PLPP4: variants seen among roughly 807,000 people sequenced by gnomAD.
PLPP4 encodes phospholipid phosphatase 4.
PLPP4 carries 20 observed loss-of-function variants against 32.2 expected under a neutral mutation model. The ratio of observed to expected loss-of-function variants is 0.62; its 90% CI spans 0.44 to 0.90. The LOEUF is 0.90. Ranked by LOEUF, PLPP4 falls within the 40% of genes least tolerant of loss-of-function variation. The pLI is 0.00. For missense variants in PLPP4, 257 were observed against 353.1 expected, an observed-to-expected ratio of 0.73 and a Z score of 2.18; for synonymous variants, 127 against 133.0, an observed-to-expected ratio of 0.95 and a Z score of 0.31.
At chr10:120,461,185 T>A (rs546312554) in intron 1 of PLPP4, among the ~76,000 whole-genome samples, 3 of 152,216 alleles carry the variant, frequency 2.0e-5, no homozygotes, top group Non-Finnish European at 4.4e-5. Context: ...AGATGGGATT[T>A]GATCATGGCA....
chr10:120,465,766 C>T (rs1019669999), intron 1 of PLPP4, among the ~76,000 whole-genome samples: 5 of 152,076 alleles, frequency 3.3e-5, no homozygotes, highest in African/African-American at 4.8e-5. Context: ...TCTACCAAGC[C>T]CCCTTCCACC....
intron 5 of PLPP4, among the ~76,000 whole-genome samples, chr10:120,553,424 G>T (rs1245737692): frequency 6.6e-6 from 1 of 152,270 alleles, no homozygotes; most frequent in Non-Finnish European, 1.5e-5. Context: ...CAGTAAGAAG[G>T]TACCACCTTT....
chr10:120,561,229 TA>T (rs1375349369), intron 5 of PLPP4, among the ~76,000 whole-genome samples: 1 of 152,234 alleles, frequency 6.6e-6, no homozygotes, highest in East Asian at 1.9e-4. Context: ...TATATCTTTT[TA>T]AACACATGTC....
At chr10:120,459,608 G>A (rs1847950430) in intron 1 of PLPP4, among the ~76,000 whole-genome samples, 1 of 152,202 alleles carries the variant, frequency 6.6e-6, no homozygotes, top group South Asian at 2.1e-4. Context: ...TAGCAGCACA[G>A]GGGTTTAGAA....
At chr10:120,534,069 T>C (rs1217518199) in intron 5 of PLPP4, among the ~76,000 whole-genome samples, 1 of 152,168 alleles carries the variant, frequency 6.6e-6, no homozygotes, top group Admixed American at 6.5e-5. Flanking sequence ...TCTTTGTTTT[T>C]TGTGTACGAT....
At chr10:120,501,934 C>T (rs1428136209) in intron 1 of PLPP4, among the ~76,000 whole-genome samples, 1 of 152,160 alleles carries the variant, frequency 6.6e-6, no homozygotes, top group Non-Finnish European at 1.5e-5. Flanking sequence ...TGGAGTAGCT[C>T]AGTTGGTGAG....
At chr10:120,538,573 G>C (rs1847175506) in intron 5 of PLPP4, among the ~76,000 whole-genome samples, 1 of 152,074 alleles carries the variant, frequency 6.6e-6, no homozygotes, top group Non-Finnish European at 1.5e-5. Context: ...ACTCTGCAGT[G>C]TCTTCCATTG....
At chr10:120,552,165 G>T (rs1373883003) in intron 5 of PLPP4, among the ~76,000 whole-genome samples, 2 of 138,546 alleles carry the variant, frequency 1.4e-5, no homozygotes, top group East Asian at 4.4e-4. Flanking sequence ...GTGGTGGTGG[G>T]GTGTGTGTGT....
chr10:120,528,502 C>A (rs1344569582), intron 5 of PLPP4, among the ~76,000 whole-genome samples: 1 of 152,214 alleles, frequency 6.6e-6, no homozygotes, highest in Non-Finnish European at 1.5e-5. Flanking sequence ...TTATAACTTA[C>A]AAATGAAAGC....
intron 1 of PLPP4, among the ~76,000 whole-genome samples, chr10:120,503,388 T>C (rs1487550670): frequency 6.6e-6 from 1 of 152,222 alleles, no homozygotes; most frequent in African/African-American, 2.4e-5. Context: ...CTGCTTTTCA[T>C]TGACCAACCG....
At chr10:120,511,675 A>G (rs984812226) in intron 2 of PLPP4, among the ~76,000 whole-genome samples, 2 of 152,228 alleles carry the variant, frequency 1.3e-5, no homozygotes, top group Non-Finnish European at 2.9e-5. Context: ...GACCTTGACC[A>G]TAACATTGGA....
intron 1 of PLPP4, among the ~76,000 whole-genome samples, chr10:120,479,630 G>C (rs1401687858): frequency 1.3e-5 from 2 of 152,178 alleles, no homozygotes; most frequent in Non-Finnish European, 2.9e-5. Flanking sequence ...CCATTCCCCA[G>C]GATCTGGCTC....
chr10:120,536,553 G>A (rs545295660), intron 5 of PLPP4, among the ~76,000 whole-genome samples: 8 of 151,474 alleles, frequency 5.3e-5, no homozygotes, highest in African/African-American at 1.9e-4. Flanking sequence ...AATGAATTAA[G>A]GATTTAAACA....
At chr10:120,497,624 C>T (rs1362312789) in intron 1 of PLPP4, among the ~76,000 whole-genome samples, 3 of 151,864 alleles carry the variant, frequency 2.0e-5, no homozygotes, top group South Asian at 2.1e-4. Context: ...TTTTCTTGCC[C>T]TGTCTTATGG....
intron 5 of PLPP4, among the ~76,000 whole-genome samples, chr10:120,561,915 A>G (rs905129484): frequency 6.6e-6 from 1 of 152,160 alleles, no homozygotes; most frequent in African/African-American, 2.4e-5. Context: ...GGATTCTACC[A>G]CATCTCTCCC....
At chr10:120,563,806 C>CAAAAAAAAAAAAA (rs139746974) in intron 5 of PLPP4, among the ~76,000 whole-genome samples, 1 of 86,484 alleles carries the variant, frequency 1.2e-5, no homozygotes, top group Non-Finnish European at 2.1e-5. Context: ...GACTCCGTCT[C>CAAAAAAAAAAAAA]AAAAAAAAAA....
At chr10:120,544,010 A>T (rs1847489715) in intron 5 of PLPP4, among the ~76,000 whole-genome samples, 1 of 152,174 alleles carries the variant, frequency 6.6e-6, no homozygotes, top group South Asian at 2.1e-4. Flanking sequence ...TTGTCCATTC[A>T]TCCAGCAGTG....
chr10:120,457,106 C>T (rs1847810510), upstream of PLPP4: 2 of 232,560 alleles, frequency 8.6e-6, no homozygotes, highest in South Asian at 1.6e-4. Context: ...CGCGGCTTCC[C>T]GGAGCCCCGG....
chr10:120,462,677 G>A (rs1848108561), intron 1 of PLPP4, among the ~76,000 whole-genome samples: 1 of 152,322 alleles, frequency 6.6e-6, no homozygotes, highest in Non-Finnish European at 1.5e-5. Flanking sequence ...ACGGCCTGCT[G>A]AACACCTGCG....
Sources: allele counts gnomAD v4.1 joint callset (sites outside exome capture counted in the v4.1 genomes callset), GRCh38; gene constraint gnomAD v4.1.1; transcripts MANE v1.5; gene names NCBI Gene and HGNC (gene_info 2026-07-23, HGNC 2026-07-21).